AOPEP: variants seen among roughly 807,000 people sequenced by gnomAD.
AOPEP encodes aminopeptidase O.
A neutral mutation model predicts 98.1 loss-of-function variants in AOPEP; 77 were observed. The observed-to-expected ratio is 0.78, with a 90% CI of 0.65 to 0.95. AOPEP has a LOEUF of 0.95. AOPEP is among the 40% of genes least tolerant of loss of function. AOPEP has a pLI of 0.00. For synonymous variants in AOPEP, 346 were observed against 365.3 expected, an observed-to-expected ratio of 0.95 and a Z score of 0.60; for missense variants, 1,024 against 1,024.7, an observed-to-expected ratio of 1.00 and a Z score of 0.01.
chr9:94,982,941 A>G (rs2060280757), intron 11 of AOPEP, among the ~76,000 whole-genome samples: 1 of 152,228 alleles, frequency 6.6e-6, no homozygotes, highest in Non-Finnish European at 1.5e-5. Flanking sequence ...TAAATACACT[A>G]GAAATAAATT....
intron 1 of AOPEP, among the ~76,000 whole-genome samples, chr9:94,757,467 A>G (rs1837315259): frequency 6.6e-6 from 1 of 152,230 alleles, no homozygotes; most frequent in Non-Finnish European, 1.5e-5. Context: ...ATGGCTTTTC[A>G]TAACAGTGGT....
Position 94,818,536 on chromosome 9 carries a change from A to T in AOPEP, c.1364+17534A>T, listed in dbSNP as rs566446060. 5.9e-5 allele frequency among the ~76,000 whole-genome samples: 9 copies of T among 152,278 alleles called. No individual in the cohort carries two copies. The East Asian group carries it at 1.7e-3, about 29-fold the overall frequency. On this transcript the variant is annotated intron_variant, in intron 5 of 16. Coordinates refer to ENST00000375315, the MANE Select transcript of AOPEP (RefSeq NM_001193329.3). ...AGAAGGAGCATTTAGAGCAGCACCT[A>T]CATTTTTGTTAGGTTTTCCTTCAAG...
intron 13 of AOPEP, among the ~76,000 whole-genome samples, chr9:95,029,568 C>T (rs1047451969): frequency 2.6e-5 from 4 of 152,148 alleles, no homozygotes; most frequent in Non-Finnish European, 4.4e-5. Flanking sequence ...ATTTGAGAGA[C>T]GCCATGTGTT....
chr9:94,788,767 A>T (rs1845008259), intron 3 of AOPEP, among the ~76,000 whole-genome samples: 1 of 152,220 alleles, frequency 6.6e-6, no homozygotes, highest in African/African-American at 2.4e-5. Context: ...TGGTGGCCTC[A>T]GCATCCTATG....
At chr9:95,126,184 A>G in the AOPEP span, among the ~76,000 whole-genome samples, 2 of 152,220 alleles carry the variant, frequency 1.3e-5, no homozygotes. Context: ...GTCAGCCCTC[A>G]CATGGTGAAG....
intron 3 of AOPEP, 42 bp from the exon 4 acceptor site, chr9:94,792,723 C>T: frequency 6.6e-7 from 1 of 1,519,488 alleles, no homozygotes; most frequent in South Asian, 1.3e-5. Context: ...AGCCCAGGAT[C>T]ATATATTGGC....
At position 94,775,884 on chromosome 9, in the gene AOPEP, G is replaced by C. The variant is rs533987941; in HGVS notation, c.964+2716G>C. Among the ~76,000 whole-genome samples the C allele has an allele frequency of 2.0e-5, 3 of 152,188 alleles. No homozygotes were observed. In the East Asian group the frequency reaches 5.9e-4, roughly 30 times the overall value. On this transcript the variant is annotated intron_variant, in intron 3 of 16. Coordinates refer to ENST00000375315, the MANE Select transcript of AOPEP (RefSeq NM_001193329.3). ...GCCTGTAATCCCAGCTACTCGGGAG[G>C]CTGAGGCGGGAGAATGGTGTGAATC...
At chr9:94,988,995 G>A (rs946424418) in intron 11 of AOPEP, among the ~76,000 whole-genome samples, 3 of 150,174 alleles carry the variant, frequency 2.0e-5, no homozygotes, top group African/African-American at 4.9e-5. Context: ...TGCAATCTCC[G>A]CCTCCTGGGT....
chr9:94,755,841 C>T (rs990799452), intron 1 of AOPEP, among the ~76,000 whole-genome samples: 1 of 152,226 alleles, frequency 6.6e-6, no homozygotes, highest in African/African-American at 2.4e-5. Context: ...CTGGGACCCA[C>T]TGTCTTCATT....
At chr9:94,984,176 G>A (rs1445415894) in intron 11 of AOPEP, among the ~76,000 whole-genome samples, 3 of 151,906 alleles carry the variant, frequency 2.0e-5, no homozygotes, top group Admixed American at 1.3e-4. Context: ...TGGGATACAG[G>A]CGCCCGCCAC....
chr9:94,857,870 G>A (rs2044422295), intron 5 of AOPEP, among the ~76,000 whole-genome samples: 2 of 152,194 alleles, frequency 1.3e-5, no homozygotes, highest in Non-Finnish European at 2.9e-5. Flanking sequence ...TGGAAGCTAT[G>A]TTAAGACATC....
intron 6 of AOPEP, among the ~76,000 whole-genome samples, chr9:94,926,828 A>C (rs1245982281): frequency 6.6e-6 from 1 of 152,076 alleles, no homozygotes; most frequent in Non-Finnish European, 1.5e-5. Context: ...GACATGTGAA[A>C]TCTCAACAAG....
At chr9:94,815,408 G>A (rs1281436726) in intron 5 of AOPEP, among the ~76,000 whole-genome samples, 1 of 152,156 alleles carries the variant, frequency 6.6e-6, no homozygotes, top group African/African-American at 2.4e-5. Context: ...AGAGTAACTT[G>A]CCCCTGTGTC....
intron 5 of AOPEP, among the ~76,000 whole-genome samples, chr9:94,889,010 C>G (rs188372065): frequency 2.6e-4 from 39 of 152,194 alleles, no homozygotes; most frequent in African/African-American, 8.9e-4. Flanking sequence ...GCTTCCTCTC[C>G]CCTGCCCCTC....
At chr9:94,748,963 G>A (rs1835101372) in intron 1 of AOPEP, among the ~76,000 whole-genome samples, 1 of 152,072 alleles carries the variant, frequency 6.6e-6, no homozygotes, top group Non-Finnish European at 1.5e-5. Flanking sequence ...TTTCCATTCT[G>A]TATTGCTTGG....
chr9:94,753,066 A>G (rs1292810512), intron 1 of AOPEP, among the ~76,000 whole-genome samples: 3 of 152,146 alleles, frequency 2.0e-5, no homozygotes, highest in Non-Finnish European at 4.4e-5. Context: ...CCATCCTCCA[A>G]CTGAGTACCA....
At chr9:94,878,279 G>A (rs141141619) in intron 5 of AOPEP, among the ~76,000 whole-genome samples, 4 of 149,422 alleles carry the variant, frequency 2.7e-5, no homozygotes, top group African/African-American at 9.9e-5. Flanking sequence ...TCGGGGAGAA[G>A]TATTCCTGGT....
At chr9:94,758,338 G>A (rs1181729886) in intron 1 of AOPEP, among the ~76,000 whole-genome samples, 2 of 152,228 alleles carry the variant, frequency 1.3e-5, no homozygotes, top group African/African-American at 4.8e-5. Context: ...TGGAAAAGTA[G>A]CTAGAAACTG....
At chr9:94,816,986 C>A (rs915858155) in intron 5 of AOPEP, among the ~76,000 whole-genome samples, 2 of 152,152 alleles carry the variant, frequency 1.3e-5, no homozygotes, top group Non-Finnish European at 2.9e-5. Flanking sequence ...TGTTCTCTTA[C>A]CATTGTACTG....
Sources: gnomAD v4.1 joint callset for allele counts (sites outside exome capture counted in the v4.1 genomes callset) on GRCh38, gnomAD v4.1.1 for gene constraint, MANE v1.5 for transcripts, NCBI Gene and HGNC (gene_info 2026-07-23, HGNC 2026-07-21) for gene names.